Variants in JKAMP observed in about 807,000 individuals in gnomAD.
JKAMP encodes the protein JNK1/MAPK8-associated membrane protein.
Under a neutral mutation model 40.2 loss-of-function variants are expected in JKAMP, and 20 were observed. The observed-to-expected ratio is 0.50, with a 90% CI of 0.35 to 0.72. The LOEUF is 0.72. Ranked by LOEUF, JKAMP falls within the 30% of genes least tolerant of loss-of-function variation. The pLI is 0.01. For synonymous variants in JKAMP, 138 were observed against 131.6 expected, an observed-to-expected ratio of 1.05 and a Z score of -0.33; for missense variants, 276 against 373.0, an observed-to-expected ratio of 0.74 and a Z score of 2.14.
intron 1 of JKAMP, chr14:59,484,852 T>G: frequency 1.8e-6 from 2 of 1,088,418 alleles, no homozygotes; most frequent in Non-Finnish European, 1.3e-6. Context: ...GTCTCTTCAG[T>G]CCCTTAGTTT....
rs760078492 is a variant in JKAMP at position 59,487,712 on chromosome 14, T to C, written c.135T>C (p.Tyr45=). The change falls in exon 3 of 7, where the codon TAT becomes TAC. Residue 45 remains tyrosine, a synonymous_variant. Coordinates refer to ENST00000616435, the MANE Select transcript of JKAMP (RefSeq NM_016475.5). ...GACAGAGAACGAATGCACAGAAATA[T>C]TGTCAGCCTTGCACAGAATCTCCTG... The part of the protein sequence containing the change: ...PRGQRTNAQK[Y]CQPCTESPEL... The C allele has an allele frequency of 6.2e-6, 10 of 1,613,218 alleles. No homozygotes were observed. Among genetic ancestry groups the C allele is most frequent in the Admixed American group, 1.7e-5 (1 of 60,006 alleles).
rs67189643 is a variant in JKAMP at position 59,502,755 on chromosome 14, T to TGTTTTGTTTTGTTTTTTTGTTTTG, written c.718-1099_718-1098insGTTTTGTTTTGTTTTTTTGTTTTG. Among the ~76,000 whole-genome samples, 350 of 122,950 alleles carry TGTTTTGTTTTGTTTTTTTGTTTTG rather than the reference T, an allele frequency of 2.8e-3. 9 individuals carry two copies. Among genetic ancestry groups the TGTTTTGTTTTGTTTTTTTGTTTTG allele is most frequent in the African/African-American group, 8.6e-3 (286 of 33,204 alleles). The allele number at this position is 122,950 out of a possible 152,430, so 80.7% of individuals were successfully genotyped here. On this transcript the variant is annotated intron_variant, in intron 6 of 6. Transcript: ENST00000616435. ...GGATATTTGAATAAAATGAGATTTT[T>TGTTTTGTTTTGTTTTTTTGTTTTG]TTTTTTTTTTTTTTTTTTCGGAGTC... is the stretch of plus-strand genomic sequence containing the variant.
At chr14:59,486,689 A>G in intron 1 of JKAMP, 24 bp from the exon 2 acceptor site, 4 of 1,462,768 alleles carry the variant, frequency 2.7e-6, no homozygotes, top group African/African-American at 1.4e-5. Context: ...AGATGTTACT[A>G]TACTGGCATT....
Position 59,487,792 on chromosome 14 carries a change from A to G in JKAMP, c.215A>G (p.His72Arg). Residue 72 changes from histidine to arginine, a missense_variant, in exon 3 of 7, where the codon CAT becomes CGT. His to Arg is a conservative substitution (Grantham distance 29, BLOSUM62 0). Transcript: ENST00000616435. ...ATGGCAATGCTTCCTCTGGTTTTAC[A>G]TTGGTTCTTCATTGAATGGTACTCG... ...GFMAMLPLVL[H>R]WFFIEWYSGK... 6.2e-7 allele frequency: 1 copy of G among 1,613,668 alleles called. No homozygotes were observed. Among genetic ancestry groups the G allele is most frequent in the Non-Finnish European group, 8.5e-7 (1 of 1,179,708 alleles).
rs199521684 is a variant in JKAMP, at chr14:59,484,575, A to T, written c.-15A>T. 5 of 1,574,114 alleles carry T rather than the reference A, an allele frequency of 3.2e-6. No individual in the cohort carries two copies. In the South Asian group the frequency reaches 4.7e-5, roughly 15 times the overall value. On this transcript the variant is annotated 5_prime_UTR_variant, in exon 1 of 7. Coordinates refer to ENST00000616435, the MANE Select transcript of JKAMP (RefSeq NM_016475.5). ...GCTGATCTAGTGCTTCTCGAAAAAA[A>T]CCTTCAGGCGGCCCATGGGTGAGTG... is the stretch of plus-strand genomic sequence containing the variant.
intron 2 of JKAMP, chr14:59,487,046 G>A: frequency 3.1e-6 from 1 of 321,496 alleles, no homozygotes; most frequent in Non-Finnish European, 5.7e-6. Flanking sequence ...GCTAAAAATA[G>A]AAAAAAATTA....
chr14:59,492,306 A>G (rs145311159), intron 3 of JKAMP, among the ~76,000 whole-genome samples: 8 of 152,354 alleles, frequency 5.3e-5, no homozygotes, highest in Non-Finnish European at 1.2e-4. Context: ...TTAGTGAACT[A>G]GAAAAAAATG....
At chr14:59,500,064 G>A (rs1386694517) in intron 5 of JKAMP, among the ~76,000 whole-genome samples, 3 of 152,138 alleles carry the variant, frequency 2.0e-5, no homozygotes, top group Non-Finnish European at 4.4e-5. Flanking sequence ...CCTTTTTACT[G>A]TATATGGCTT....
At chr14:59,498,606 C>G in intron 4 of JKAMP, 121 bp from the exon 5 acceptor site, 1 of 583,144 alleles carries the variant, frequency 1.7e-6, no homozygotes, top group Non-Finnish European at 2.9e-6. Flanking sequence ...TCTGAATATC[C>G]AATGGATAGA....
intron 6 of JKAMP, 109 bp downstream of exon 6, chr14:59,501,376 T>C: frequency 3.0e-6 from 2 of 672,618 alleles, no homozygotes; most frequent in Non-Finnish European, 4.9e-6. Flanking sequence ...TTTAGTAATC[T>C]TTGGCTGATT....
At chr14:59,488,445 T>C (rs965683480) in intron 3 of JKAMP, among the ~76,000 whole-genome samples, 4 of 152,098 alleles carry the variant, frequency 2.6e-5, no homozygotes, top group African/African-American at 7.2e-5. Context: ...TTATGCCTCA[T>C]GGGATCTGAA....
intron 1 of JKAMP, 137 bp from the exon 2 acceptor site, chr14:59,486,576 A>C: frequency 3.1e-6 from 2 of 648,826 alleles, no homozygotes; most frequent in Non-Finnish European, 5.4e-6. Flanking sequence ...AAATTTAAAA[A>C]TGCTTCAAGA....
chr14:59,484,628 G>A (rs1337718185), intron 1 of JKAMP, 35 bp downstream of exon 1: 1 of 1,574,446 alleles, frequency 6.4e-7, no homozygotes, highest in Non-Finnish European at 8.6e-7. Context: ...AAGCGTTTCT[G>A]GTAGTCCCGA....
chr14:59,497,140 C>T (rs916718902), intron 4 of JKAMP, among the ~76,000 whole-genome samples: 2 of 151,756 alleles, frequency 1.3e-5, no homozygotes, highest in African/African-American at 4.8e-5. Flanking sequence ...AAAAATACCA[C>T]AGGACTTTAC....
intron 3 of JKAMP, among the ~76,000 whole-genome samples, chr14:59,491,781 G>A (rs1225174003): frequency 1.3e-5 from 2 of 152,228 alleles, no homozygotes; most frequent in Admixed American, 1.3e-4. Context: ...GACAAGGCAG[G>A]CAGTTGGGAT....
At chr14:59,485,627 GTTTGT>G in intron 1 of JKAMP, 1 of 152,842 alleles carries the variant, frequency 6.5e-6, no homozygotes, top group South Asian at 2.0e-4. Flanking sequence ...GTAGACCGCA[GTTTGT>G]TTTGAGACGG....
At chr14:59,487,930 G>T in intron 3 of JKAMP, 102 bp downstream of exon 3, 1 of 1,099,186 alleles carries the variant, frequency 9.1e-7, no homozygotes, top group Non-Finnish European at 1.3e-6. Flanking sequence ...TTTAAAAGTG[G>T]TAAACATGTT....
chr14:59,492,533 GGT>G (rs1486302176), intron 3 of JKAMP, among the ~76,000 whole-genome samples: 3 of 152,114 alleles, frequency 2.0e-5, no homozygotes, highest in African/African-American at 7.2e-5. Context: ...GCCAAACCAT[GGT>G]ATCCCCATCA....
At chr14:59,492,161 A>T (rs1891066693) in intron 3 of JKAMP, among the ~76,000 whole-genome samples, 1 of 152,212 alleles carries the variant, frequency 6.6e-6, no homozygotes, top group Admixed American at 6.5e-5. Flanking sequence ...TGTAGTCACA[A>T]GCTGTCCATA....
Sources: gnomAD v4.1 joint callset for allele counts (sites outside exome capture counted in the v4.1 genomes callset) on GRCh38, gnomAD v4.1.1 for gene constraint, MANE v1.5 for transcripts, NCBI Gene and HGNC (gene_info 2026-07-23, HGNC 2026-07-21) for gene names.